Variants in SNX29 observed in about 807,000 individuals in gnomAD.
The protein encoded by SNX29 is sorting nexin 29, also known as sorting nexin-29.
In SNX29, 78 loss-of-function variants were observed where a neutral mutation model predicts 102.1. That is an observed-to-expected ratio of 0.76 (90% CI 0.64 to 0.92). SNX29 has a LOEUF of 0.92. Ranked by LOEUF, SNX29 falls within the 40% of genes least tolerant of loss-of-function variation. The probability of loss-of-function intolerance (pLI) is 0.00; values close to 1 mark genes in which losing one functional copy is unlikely to be tolerated. For synonymous variants in SNX29, 580 were observed against 414.5 expected (o/e 1.40, Z -4.85); for missense variants, 1,280 against 1,061.7 (o/e 1.21, Z -2.86).
chr16:12,320,725 A>T (rs2080904485), intron 15 of SNX29, among the ~76,000 whole-genome samples: 1 of 152,182 alleles, frequency 6.6e-6, no homozygotes, highest in Admixed American at 6.5e-5. Flanking sequence ...AATGAGGCCG[A>T]TAAGAGAACA....
chr16:12,155,881 A>C (rs1008093163), intron 13 of SNX29, among the ~76,000 whole-genome samples: 15 of 152,004 alleles, frequency 9.9e-5, no homozygotes, highest in African/African-American at 3.6e-4. Flanking sequence ...TCATGAGATC[A>C]CTCCTCTGCT....
intron 13 of SNX29, among the ~76,000 whole-genome samples, chr16:12,159,023 C>T (rs1049266826): frequency 4.6e-5 from 7 of 152,148 alleles, no homozygotes; most frequent in Admixed American, 6.5e-5. Context: ...TTAGATGAGC[C>T]CTTCTGGAAT....
At chr16:12,557,107 C>T (rs758761178) in intron 20 of SNX29, among the ~76,000 whole-genome samples, 82 of 151,442 alleles carry the variant, frequency 5.4e-4, no homozygotes, top group South Asian at 2.9e-3. Context: ...CCTCAACCTC[C>T]GAAAGTGCTG....
intron 10 of SNX29, 122 bp downstream of exon 10, chr16:12,069,254 C>T (rs982553552): frequency 1.3e-6 from 1 of 769,982 alleles, no homozygotes; most frequent in South Asian, 2.3e-5. Flanking sequence ...GTTTACTTCA[C>T]ATTTATGTTC....
chr16:12,464,234 G>A (rs1051304143), intron 18 of SNX29, among the ~76,000 whole-genome samples: 2 of 151,922 alleles, frequency 1.3e-5, no homozygotes, highest in African/African-American at 4.8e-5. Flanking sequence ...CATGGCGTGT[G>A]TGTGTGTGTG....
At chr16:12,542,573 C>G (rs1190882255) in intron 20 of SNX29, among the ~76,000 whole-genome samples, 1 of 152,170 alleles carries the variant, frequency 6.6e-6, no homozygotes, top group Non-Finnish European at 1.5e-5. Flanking sequence ...CTCAAGTGAT[C>G]CACCCGCCTC....
intron 18 of SNX29, among the ~76,000 whole-genome samples, chr16:12,433,179 T>C (rs2085385149): frequency 6.6e-6 from 1 of 152,214 alleles, no homozygotes; most frequent in Admixed American, 6.5e-5. Context: ...GTCTACATCT[T>C]GGTTAGCCAC....
At chr16:12,525,781 C>G (rs984038451) in intron 20 of SNX29, among the ~76,000 whole-genome samples, 1 of 145,564 alleles carries the variant, frequency 6.9e-6, no homozygotes, top group African/African-American at 2.6e-5. Context: ...TTCAAGAAAG[C>G]TAATCTTGGC....
At chr16:12,097,783 C>G (rs897148828) in intron 11 of SNX29, among the ~76,000 whole-genome samples, 1 of 152,186 alleles carries the variant, frequency 6.6e-6, no homozygotes, top group African/African-American at 2.4e-5. Flanking sequence ...AAATGGGCCT[C>G]TCGCTCAGGG....
At chr16:12,333,376 A>G (rs2081353094) in intron 15 of SNX29, among the ~76,000 whole-genome samples, 1 of 152,010 alleles carries the variant, frequency 6.6e-6, no homozygotes, top group South Asian at 2.1e-4. Context: ...AAGTGTTGGG[A>G]TTACAGACGT....
At chr16:12,460,657 C>A (rs1360230337) in intron 18 of SNX29, among the ~76,000 whole-genome samples, 1 of 133,688 alleles carries the variant, frequency 7.5e-6, no homozygotes, top group Non-Finnish European at 1.6e-5. Context: ...TGTGTGAACT[C>A]TTTTTTTTTT....
chr16:12,239,900 C>T (rs574922739), intron 14 of SNX29, among the ~76,000 whole-genome samples: 3 of 152,186 alleles, frequency 2.0e-5, no homozygotes, highest in Admixed American at 6.5e-5. Context: ...AAAGAAAAAT[C>T]ACTTGTAATC....
chr16:12,130,549 T>A (rs1567233935), intron 13 of SNX29, among the ~76,000 whole-genome samples: 1 of 151,940 alleles, frequency 6.6e-6, no homozygotes, highest in Non-Finnish European at 1.5e-5. Flanking sequence ...CTTATTTCAT[T>A]GAGTAAATAG....
rs897219157 is a variant in SNX29, at chr16:12,019,793, C to T, written c.123-7527C>T. 2.4e-4 allele frequency among the ~76,000 whole-genome samples: 37 copies of T among 151,970 alleles called. 2 individuals are homozygous for T. The highest frequency in any genetic ancestry group is 1.6e-3 in the Admixed American group (24 of 15,218). On this transcript the variant is annotated intron_variant, in intron 3 of 20. Transcript: ENST00000566228. ...CTGGGATTACAGGCACGTACCACCA[C>T]ACCCGACTTTTTTTTGTATTTTTAG...
At chr16:12,251,762 A>AT (rs556834239) in intron 14 of SNX29, among the ~76,000 whole-genome samples, 12 of 149,752 alleles carry the variant, frequency 8.0e-5, no homozygotes, top group Non-Finnish European at 1.2e-4. Context: ...ATTTGTTTTA[A>AT]TTTTTTTTTT....
intron 14 of SNX29, among the ~76,000 whole-genome samples, chr16:12,267,309 G>A (rs1004516600): frequency 6.6e-5 from 10 of 151,924 alleles, no homozygotes; most frequent in Non-Finnish European, 1.5e-4. Flanking sequence ...TTAACACACG[G>A]CCTTGGATGT....
chr16:12,459,976 C>T (rs1389910434), intron 18 of SNX29, among the ~76,000 whole-genome samples: 2 of 152,198 alleles, frequency 1.3e-5, no homozygotes, highest in African/African-American at 4.8e-5. Context: ...GTGCCTGGCT[C>T]CCAGTGTGGT....
intron 20 of SNX29, among the ~76,000 whole-genome samples, chr16:12,547,250 G>A (rs1023001468): frequency 6.6e-6 from 1 of 152,210 alleles, no homozygotes; most frequent in Non-Finnish European, 1.5e-5. Context: ...CACAGCAGGT[G>A]CAAAGGTCCT....
intron 13 of SNX29, among the ~76,000 whole-genome samples, chr16:12,170,063 G>A (rs995800114): frequency 6.6e-6 from 1 of 152,150 alleles, no homozygotes; most frequent in African/African-American, 2.4e-5. Context: ...CCTTTGTAGT[G>A]GGGGCTGTCC....
Sources: allele counts gnomAD v4.1 joint callset (sites outside exome capture counted in the v4.1 genomes callset), GRCh38; gene constraint gnomAD v4.1.1; transcripts MANE v1.5; gene names NCBI Gene and HGNC (gene_info 2026-07-23, HGNC 2026-07-21).